Variants in SUPT3H observed in about 807,000 individuals in gnomAD.
SUPT3H encodes the protein transcription initiation protein SPT3 homolog.
In SUPT3H, 44 loss-of-function variants were observed where a neutral mutation model predicts 44.3. That is an observed-to-expected ratio of 0.99 (90% CI 0.78 to 1.28). The LOEUF (loss-of-function observed/expected upper bound fraction) is 1.28. Ranked by LOEUF, SUPT3H falls within the 50% of genes most tolerant of loss-of-function variation. The pLI is 0.00. For missense variants in SUPT3H, 380 were observed against 387.1 expected, an observed-to-expected ratio of 0.98 and a Z score of 0.15; for synonymous variants, 124 against 125.6, an observed-to-expected ratio of 0.99 and a Z score of 0.09.
rs1224188455 is a variant in SUPT3H, at chr6:45,128,577, CACACACAT to C, written c.102-22579_102-22572del. 1.5e-3 allele frequency among the ~76,000 whole-genome samples: 183 copies of C among 122,632 alleles called. 1 individual carries two copies. Among genetic ancestry groups the C allele is most frequent in the African/African-American group, 5.2e-3 (162 of 31,140 alleles). 80.5% of individuals were successfully genotyped at this position (122,632 alleles called of 152,430 possible). The stretch of plus-strand genomic sequence containing the variant: ...ATATATACACACACACACACACACA[CACACACAT>C]ACACATATATATATATACACACATA... On this transcript the variant is annotated intron_variant, in intron 2 of 10. Coordinates refer to ENST00000371459, the MANE Select transcript of SUPT3H (RefSeq NM_003599.4).
intron 2 of SUPT3H, among the ~76,000 whole-genome samples, chr6:45,227,989 C>T (rs1008879499): frequency 6.6e-6 from 1 of 151,682 alleles, no homozygotes; most frequent in Non-Finnish European, 1.5e-5. Flanking sequence ...AAAAAAACTA[C>T]ACTCAAAGTA....
intron 10 of SUPT3H, among the ~76,000 whole-genome samples, chr6:44,866,621 G>A (rs1246320300): frequency 1.3e-5 from 2 of 152,094 alleles, no homozygotes; most frequent in Non-Finnish European, 2.9e-5. Flanking sequence ...TGTCAAATTA[G>A]GTTTGGTCTT....
intron 2 of SUPT3H, among the ~76,000 whole-genome samples, chr6:45,327,665 A>C (rs545475892): frequency 6.6e-6 from 1 of 152,104 alleles, no homozygotes; most frequent in African/African-American, 2.4e-5. Context: ...TGCCCAGACT[A>C]ACACTTTCAT....
At chr6:44,960,173 G>A (rs971774442) in intron 7 of SUPT3H, among the ~76,000 whole-genome samples, 5 of 151,382 alleles carry the variant, frequency 3.3e-5, no homozygotes, top group Non-Finnish European at 5.9e-5. Context: ...AACATGGGCC[G>A]GGCACAGTGG....
At chr6:44,886,092 G>A (rs1762236907) in intron 10 of SUPT3H, among the ~76,000 whole-genome samples, 2 of 152,290 alleles carry the variant, frequency 1.3e-5, no homozygotes, top group East Asian at 1.9e-4. Flanking sequence ...AACGAACAAT[G>A]CCTCCAAGAA....
At chr6:45,370,061 G>A (rs1229496760) in intron 1 of SUPT3H, among the ~76,000 whole-genome samples, 2 of 152,154 alleles carry the variant, frequency 1.3e-5, no homozygotes, top group African/African-American at 2.4e-5. Flanking sequence ...TTTGAAAAGG[G>A]AAGTTACTTG....
chr6:44,839,833 C>A (rs1231071884), intron 10 of SUPT3H, among the ~76,000 whole-genome samples: 13 of 152,150 alleles, frequency 8.5e-5, no homozygotes, highest in Admixed American at 7.2e-4. Flanking sequence ...TCCCGAGTAG[C>A]TGGGACTACA....
intron 2 of SUPT3H, among the ~76,000 whole-genome samples, chr6:45,182,230 G>A (rs1362775892): frequency 1.3e-5 from 2 of 152,118 alleles, no homozygotes; most frequent in African/African-American, 4.8e-5. Flanking sequence ...TAGAGAAATA[G>A]CTCATTTGTT....
chr6:44,848,542 A>G (rs946940881), intron 10 of SUPT3H, among the ~76,000 whole-genome samples: 2 of 152,198 alleles, frequency 1.3e-5, no homozygotes, highest in Non-Finnish European at 2.9e-5. Flanking sequence ...TATTCTTGTG[A>G]TAAGAACAGT....
intron 7 of SUPT3H, among the ~76,000 whole-genome samples, chr6:44,958,872 G>GTT (rs10670652): frequency 0.23 from 23,074 of 98,232 alleles, 4,305 homozygotes; most frequent in Non-Finnish European, 0.29. Context: ...CTTATCAATG[G>GTT]TTTTTTTTTT....
intron 10 of SUPT3H, among the ~76,000 whole-genome samples, chr6:44,841,751 C>CT (rs1435971286): frequency 6.6e-6 from 1 of 152,174 alleles, no homozygotes; most frequent in Admixed American, 6.5e-5. Context: ...GCATAAGGCT[C>CT]TTGGGGAACT....
intron 2 of SUPT3H, among the ~76,000 whole-genome samples, chr6:45,212,481 ATGTGTGT>A (rs1764267173): frequency 2.3e-5 from 1 of 43,466 alleles, no homozygotes; most frequent in Non-Finnish European, 4.1e-5. Flanking sequence ...CACCTCCACT[ATGTGTGT>A]GTGTGTGTGT....
intron 2 of SUPT3H, among the ~76,000 whole-genome samples, chr6:45,121,316 T>C (rs983259063): frequency 9.2e-5 from 14 of 152,182 alleles, no homozygotes; most frequent in African/African-American, 3.4e-4. Context: ...CTTGGGCAAC[T>C]CTGAGAGGAA....
At chr6:44,908,288 A>C (rs1766440772) in intron 10 of SUPT3H, among the ~76,000 whole-genome samples, 1 of 151,404 alleles carries the variant, frequency 6.6e-6, no homozygotes, top group Admixed American at 6.6e-5. Context: ...AGTAGCTGGG[A>C]CTACAGGCGC....
At chr6:44,883,732 C>G (rs1401196119) in intron 10 of SUPT3H, among the ~76,000 whole-genome samples, 2 of 152,162 alleles carry the variant, frequency 1.3e-5, no homozygotes, top group African/African-American at 4.8e-5. Flanking sequence ...CTACAACTAT[C>G]TGATCTTTGG....
At chr6:45,183,600 A>C (rs913920348) in intron 2 of SUPT3H, among the ~76,000 whole-genome samples, 1 of 152,176 alleles carries the variant, frequency 6.6e-6, no homozygotes, top group Non-Finnish European at 1.5e-5. Flanking sequence ...GGATGGTACC[A>C]AGCCATTCAG....
intron 3 of SUPT3H, among the ~76,000 whole-genome samples, chr6:45,035,615 G>A (rs1266470185): frequency 2.0e-5 from 3 of 152,044 alleles, no homozygotes; most frequent in African/African-American, 7.2e-5. Context: ...TTTTAAAAAT[G>A]TGTTTAGTTA....
chr6:45,344,912 A>T (rs1485893934), intron 2 of SUPT3H, among the ~76,000 whole-genome samples: 1 of 152,188 alleles, frequency 6.6e-6, no homozygotes, highest in Non-Finnish European at 1.5e-5. Context: ...ACTCTTTACA[A>T]GCAGGATAGT....
intron 10 of SUPT3H, among the ~76,000 whole-genome samples, chr6:44,853,009 C>T (rs1166956238): frequency 6.6e-6 from 1 of 152,024 alleles, no homozygotes; most frequent in Non-Finnish European, 1.5e-5. Flanking sequence ...GTCCTAGTGG[C>T]TGTAGAAAGT....
Sources: gnomAD v4.1 joint callset for allele counts (sites outside exome capture counted in the v4.1 genomes callset) on GRCh38, gnomAD v4.1.1 for gene constraint, MANE v1.5 for transcripts, NCBI Gene and HGNC (gene_info 2026-07-23, HGNC 2026-07-21) for gene names.